The following WDR49 variants were observed in gnomAD, a reference collection of about 807,000 sequenced individuals.
WDR49 encodes cilia- and flagella-associated protein 337.
In WDR49, 107 loss-of-function variants were observed where a neutral mutation model predicts 119.5. The observed-to-expected ratio is 0.90, with a 90% CI of 0.77 to 1.05. The LOEUF (loss-of-function observed/expected upper bound fraction) is 1.05. Among genes scored for constraint, WDR49 ranks in the 50% least tolerant of loss-of-function variants. WDR49 has a pLI of 0.00. For missense variants in WDR49, 1,240 were observed against 1,220.5 expected (o/e 1.02, Z -0.24); for synonymous variants, 425 against 418.8 (o/e 1.01, Z -0.18).
chr3:167,604,963 T>TA (rs948472007), intron 5 of WDR49, among the ~76,000 whole-genome samples: 9 of 152,066 alleles, frequency 5.9e-5, no homozygotes, highest in African/African-American at 2.2e-4. Context: ...ATTAAGGAGT[T>TA]AAAAACAGTA....
intron 2 of WDR49, among the ~76,000 whole-genome samples, chr3:167,647,499 C>G (rs1313000744): frequency 2.6e-5 from 4 of 152,144 alleles, no homozygotes; most frequent in Non-Finnish European, 5.9e-5. Flanking sequence ...ACGCCATTTG[C>G]TAGCATTATT....
intron 7 of WDR49, among the ~76,000 whole-genome samples, chr3:167,577,134 G>A (rs1714289521): frequency 6.6e-6 from 1 of 152,032 alleles, no homozygotes; most frequent in Non-Finnish European, 1.5e-5. Context: ...TCAAGAAATA[G>A]GTTGCTTTAG....
chr3:167,566,397 G>T (rs973117234), intron 8 of WDR49, among the ~76,000 whole-genome samples: 1 of 152,000 alleles, frequency 6.6e-6, no homozygotes, highest in African/African-American at 2.4e-5. Context: ...AATGGACAAG[G>T]TTACTCTTTA....
At chr3:167,619,810 C>G (rs577820074) in intron 5 of WDR49, among the ~76,000 whole-genome samples, 2 of 152,026 alleles carry the variant, frequency 1.3e-5, no homozygotes, top group African/African-American at 4.8e-5. Flanking sequence ...AATCTCGAAC[C>G]ATCAGATAAA....
chr3:167,621,359 T>C, intron 4 of WDR49, 108 bp downstream of exon 4: 1 of 1,138,804 alleles, frequency 8.8e-7, no homozygotes, highest in Non-Finnish European at 1.2e-6. Flanking sequence ...ATGTAATCCA[T>C]AATGTAATTA....
intron 9 of WDR49, among the ~76,000 whole-genome samples, chr3:167,557,235 A>T (rs1227766122): frequency 6.6e-6 from 1 of 152,116 alleles, no homozygotes; most frequent in Non-Finnish European, 1.5e-5. Context: ...TATACCCTTT[A>T]AAAATTTAGC....
At chr3:167,510,903 C>T (rs140465994) in intron 16 of WDR49, among the ~76,000 whole-genome samples, 4 of 149,406 alleles carry the variant, frequency 2.7e-5, no homozygotes, top group East Asian at 2.0e-4. Context: ...ACTTTTTCTC[C>T]TGTAGTCTAA....
At chr3:167,650,083 G>C (rs1311618678) in intron 2 of WDR49, among the ~76,000 whole-genome samples, 1 of 152,094 alleles carries the variant, frequency 6.6e-6, no homozygotes, top group Admixed American at 6.5e-5. Flanking sequence ...TGTAAAAAAA[G>C]AAACACTCAG....
chr3:167,613,765 C>T (rs1006526634), intron 5 of WDR49, among the ~76,000 whole-genome samples: 1 of 151,752 alleles, frequency 6.6e-6, no homozygotes, highest in East Asian at 1.9e-4. Context: ...GCTAACATGG[C>T]GAAACCCCGT....
chr3:167,575,140 C>T (rs1469743405), intron 8 of WDR49: 1 of 985,242 alleles, frequency 1.0e-6, no homozygotes, highest in African/African-American at 1.7e-5. Context: ...TTCTGCTTGG[C>T]TCCTGCTGTG....
intron 7 of WDR49, among the ~76,000 whole-genome samples, chr3:167,586,968 T>C (rs1714850559): frequency 6.6e-6 from 1 of 152,166 alleles, no homozygotes; most frequent in Non-Finnish European, 1.5e-5. Context: ...TTCATATTTA[T>C]ATTTGATAAA....
chr3:167,576,090 G>C lies in WDR49; in HGVS notation c.1337C>G (p.Pro446Arg). The change falls in exon 8 of 19, where the codon CCC becomes CGC. Residue 446 changes from proline to arginine, a missense_variant. Coordinates refer to ENST00000682715, the MANE Select transcript of WDR49 (RefSeq NM_001366157.1). Reference sequence around the variant, plus strand: ...GAGACATCTGAAGTCCTGACTTTTGGGGAAAGAACAAGCTATCCTCTGGAT... The same window carrying C: ...GAGACATCTGAAGTCCTGACTTTTGCGGAAAGAACAAGCTATCCTCTGGAT... Reference protein sequence around the residue: ...LSIQRIACSFPKSQDFRCLFH... With the variant: ...LSIQRIACSFRKSQDFRCLFH... The C allele has an allele frequency of 6.2e-7, 1 of 1,614,106 alleles. No homozygotes were observed. Among genetic ancestry groups the C allele is most frequent in the East Asian group, 2.2e-5 (1 of 44,870 alleles).
At chr3:167,539,824 G>A (rs1711675707) in intron 10 of WDR49, among the ~76,000 whole-genome samples, 1 of 152,024 alleles carries the variant, frequency 6.6e-6, no homozygotes, top group Non-Finnish European at 1.5e-5. Flanking sequence ...ATATTTACTT[G>A]TTTATGTTCT....
At position 167,478,839 on chromosome 3, in the gene WDR49, T is replaced by G. The variant is rs376125490; in HGVS notation, c.*39A>C. ...CTTGATGCTTTTTCTGCATTTTATA[T>G]CTGTACCTTATGTAACAGTGAAGGT... On this transcript the variant is annotated 3_prime_UTR_variant, in exon 19 of 19. Transcript: ENST00000682715. 56 of 1,374,420 alleles carry G rather than the reference T, an allele frequency of 4.1e-5. No individual in the cohort carries two copies. The African/African-American group carries it at 7.9e-4, about 19-fold the overall frequency. The allele number at this position is 1,374,420 out of a possible 1,614,324, so 85.1% of individuals were successfully genotyped here.
chr3:167,624,009 G>A (rs904987042), intron 3 of WDR49, among the ~76,000 whole-genome samples: 5 of 151,784 alleles, frequency 3.3e-5, no homozygotes, highest in African/African-American at 7.3e-5. Context: ...TATCTACCCA[G>A]AATACATATA....
At chr3:167,557,942 A>G (rs1483119305) in intron 9 of WDR49, among the ~76,000 whole-genome samples, 1 of 152,076 alleles carries the variant, frequency 6.6e-6, no homozygotes, top group African/African-American at 2.4e-5. Context: ...AACAGCATGT[A>G]TAGTAGGCTG....
At chr3:167,576,221 C>A in intron 7 of WDR49, 70 bp from the exon 8 acceptor site, 1 of 1,331,672 alleles carries the variant, frequency 7.5e-7, no homozygotes, top group Non-Finnish European at 1.0e-6. Flanking sequence ...AATTTTTTTT[C>A]TAGCTCACCC....
chr3:167,626,991 A>C lies in WDR49; in HGVS notation c.467T>G (p.Leu156Arg). Residue 156 changes from leucine to arginine, a missense_variant, in exon 3 of 19, where the codon CTG becomes CGG. By Grantham distance (102) the Leu-to-Arg change is moderately radical (BLOSUM62 -2). Transcript: ENST00000682715. ...CAATAAACCTTCTTTACTAATTGTC[A>C]GATAATGACTTGAATTTTTTAAGAA... ...VIFLKNSSHY[L>R]TISKEGLLAI... The C allele has an allele frequency of 2.2e-6, 3 of 1,337,366 alleles. No homozygotes were observed. The highest frequency in any genetic ancestry group is 2.9e-6 in the Non-Finnish European group (3 of 1,046,416). 82.8% of individuals were successfully genotyped at this position (1,337,366 alleles called of 1,614,324 possible).
chr3:167,630,525 A>G (rs1001597287), intron 2 of WDR49, among the ~76,000 whole-genome samples: 1 of 152,132 alleles, frequency 6.6e-6, no homozygotes, highest in Non-Finnish European at 1.5e-5. Context: ...CAAGTGGTTG[A>G]TGAAAATTGA....
Sources: gnomAD v4.1 joint callset for allele counts (sites outside exome capture counted in the v4.1 genomes callset) on GRCh38, gnomAD v4.1.1 for gene constraint, MANE v1.5 for transcripts, NCBI Gene and HGNC (gene_info 2026-07-23, HGNC 2026-07-21) for gene names.